Variants in SLC38A6 observed in about 807,000 individuals in gnomAD.
SLC38A6 encodes N system amino acid transporter NAT-1.
A neutral mutation model predicts 65.0 loss-of-function variants in SLC38A6; 73 were observed. That is an observed-to-expected ratio of 1.12 (90% CI 0.93 to 1.37). SLC38A6 has a LOEUF of 1.37. SLC38A6 is among the 40% of genes most tolerant of loss of function. The pLI is 0.00. For missense variants in SLC38A6, 561 were observed against 531.1 expected (o/e 1.06, Z -0.55); for synonymous variants, 183 against 178.8 (o/e 1.02, Z -0.19).
rs147187623 is a variant in SLC38A6 at position 61,006,173 on chromosome 14, T to G, written c.311-9731T>G. On this transcript the variant is annotated intron_variant, in intron 3 of 15. Transcript: ENST00000267488. ...CCTTCCTTACACCTTATACAAAAAT[T>G]AATTCAAGATGGATTAAAGACTTAA... Among the ~76,000 whole-genome samples, 1,295 of 152,200 alleles carry G rather than the reference T, an allele frequency of 8.5e-3. 22 individuals are homozygous for G. The highest frequency in any genetic ancestry group is 0.029 in the African/African-American group (1,222 of 41,506).
At chr14:61,067,443 G>A (rs2043059803) in intron 15 of SLC38A6, among the ~76,000 whole-genome samples, 1 of 152,072 alleles carries the variant, frequency 6.6e-6, no homozygotes, top group Non-Finnish European at 1.5e-5. Context: ...CGGTATTCTA[G>A]AAATATCCTG....
chr14:60,996,140 A>G (rs1411127647), intron 3 of SLC38A6, among the ~76,000 whole-genome samples: 1 of 152,180 alleles, frequency 6.6e-6, no homozygotes, highest in African/African-American at 2.4e-5. Flanking sequence ...CAGGAGGTAT[A>G]TGGGAACTCT....
chr14:61,055,099 TC>T (rs1406998211), downstream of SLC38A6, among the ~76,000 whole-genome samples: 3 of 85,770 alleles, frequency 3.5e-5, no homozygotes, highest in East Asian at 3.2e-4. Flanking sequence ...TTTTTTTAAG[TC>T]TTTTTCTTTT....
At chr14:61,032,050 T>C (rs940689417) in intron 6 of SLC38A6, among the ~76,000 whole-genome samples, 3 of 151,890 alleles carry the variant, frequency 2.0e-5, no homozygotes, top group Non-Finnish European at 4.4e-5. Context: ...TAAACAAGCA[T>C]GTGTGTACAC....
At chr14:61,012,806 A>G (rs1475227004) in intron 3 of SLC38A6, among the ~76,000 whole-genome samples, 2 of 152,180 alleles carry the variant, frequency 1.3e-5, no homozygotes, top group South Asian at 4.2e-4. Context: ...ACTTCCAACT[A>G]TGTGGTCAGT....
chr14:61,026,084 A>C (rs1325576200), intron 5 of SLC38A6, among the ~76,000 whole-genome samples: 1 of 152,152 alleles, frequency 6.6e-6, no homozygotes, highest in Non-Finnish European at 1.5e-5. Context: ...GTTTAACAAA[A>C]AAGATTCTTA....
intron 12 of SLC38A6, among the ~76,000 whole-genome samples, chr14:61,049,808 AC>A (rs530461206): frequency 2.4e-4 from 36 of 152,206 alleles, no homozygotes; most frequent in Admixed American, 3.9e-4. Flanking sequence ...GTTTCTGAGC[AC>A]CCTCAGTCTT....
chr14:60,986,457 A>T (rs1489593619), intron 3 of SLC38A6, among the ~76,000 whole-genome samples: 2 of 152,156 alleles, frequency 1.3e-5, no homozygotes, highest in Non-Finnish European at 2.9e-5. Flanking sequence ...CTAGTTTAGG[A>T]TTCATAGTTT....
intron 2 of SLC38A6, among the ~76,000 whole-genome samples, chr14:60,983,063 A>T (rs1566600846): frequency 6.6e-6 from 1 of 152,110 alleles, no homozygotes; most frequent in Non-Finnish European, 1.5e-5. Flanking sequence ...GAGGCCAGAC[A>T]TGTGTTTTGT....
intron 3 of SLC38A6, among the ~76,000 whole-genome samples, chr14:61,009,549 C>A (rs541415466): frequency 6.7e-6 from 1 of 148,984 alleles, no homozygotes; most frequent in Non-Finnish European, 1.5e-5. Flanking sequence ...CCCCACCCCA[C>A]AGCAGGGATG....
intron 15 of SLC38A6, among the ~76,000 whole-genome samples, chr14:61,071,805 C>G (rs1488808805): frequency 6.6e-6 from 1 of 152,162 alleles, no homozygotes; most frequent in Non-Finnish European, 1.5e-5. Context: ...ACCTCTCTGA[C>G]TCCGTTGTAA....
intron 6 of SLC38A6, among the ~76,000 whole-genome samples, chr14:61,036,045 G>A (rs1445488210): frequency 1.3e-5 from 2 of 151,434 alleles, no homozygotes; most frequent in Non-Finnish European, 2.9e-5. Flanking sequence ...GGTGATTAAT[G>A]CCCTTTCCTG....
At chr14:61,038,491 C>A (rs1468837666) in intron 8 of SLC38A6, among the ~76,000 whole-genome samples, 1 of 152,018 alleles carries the variant, frequency 6.6e-6, no homozygotes, top group Non-Finnish European at 1.5e-5. Flanking sequence ...ATATACATGT[C>A]CAAATGAGCT....
intron 3 of SLC38A6, among the ~76,000 whole-genome samples, chr14:60,997,137 G>C (rs950114291): frequency 3.9e-4 from 60 of 152,110 alleles, no homozygotes; most frequent in African/African-American, 1.2e-3. Context: ...GTTTTGGGAG[G>C]GGGTGTTTAG....
At chr14:61,022,787 TTAATTA>T (rs1216220395) in intron 5 of SLC38A6, among the ~76,000 whole-genome samples, 4 of 152,138 alleles carry the variant, frequency 2.6e-5, no homozygotes, top group African/African-American at 9.7e-5. Flanking sequence ...ACTAGATACT[TTAATTA>T]TAACAACTCT....
chr14:61,035,069 A>G (rs1038246435), intron 6 of SLC38A6, among the ~76,000 whole-genome samples: 1 of 152,194 alleles, frequency 6.6e-6, no homozygotes, highest in Non-Finnish European at 1.5e-5. Context: ...GCGTTATTGC[A>G]AAGTGGGAAT....
At chr14:61,029,700 G>A (rs192552970) in intron 5 of SLC38A6, among the ~76,000 whole-genome samples, 100 of 152,094 alleles carry the variant, frequency 6.6e-4, no homozygotes, top group Non-Finnish European at 1.1e-3. Context: ...GTTATTTATC[G>A]GACTCTGTTA....
chr14:61,014,615 A>T (rs1206140678), intron 3 of SLC38A6, among the ~76,000 whole-genome samples: 2 of 152,256 alleles, frequency 1.3e-5, no homozygotes, highest in East Asian at 3.9e-4. Flanking sequence ...TAGGACCCTC[A>T]GCTGCAGGTC....
chr14:61,036,392 A>G (rs866958100), intron 6 of SLC38A6, among the ~76,000 whole-genome samples: 10 of 146,926 alleles, frequency 6.8e-5, no homozygotes, highest in South Asian at 2.4e-4. Flanking sequence ...GAGTTGAGCA[A>G]TGAGAGCACA....
Sources: gnomAD v4.1 joint callset for allele counts (sites outside exome capture counted in the v4.1 genomes callset) on GRCh38, gnomAD v4.1.1 for gene constraint, MANE v1.5 for transcripts, NCBI Gene and HGNC (gene_info 2026-07-23, HGNC 2026-07-21) for gene names.